Variants in RSBN1 observed in about 807,000 individuals in gnomAD.
RSBN1 encodes round spermatid basic protein 1, also known as lysine-specific demethylase 9.
Under a neutral mutation model 74.8 loss-of-function variants are expected in RSBN1, and 23 were observed. The ratio of observed to expected loss-of-function variants is 0.31; its 90% CI spans 0.22 to 0.44. The LOEUF (loss-of-function observed/expected upper bound fraction) is 0.44. RSBN1 is among the 20% of genes least tolerant of loss of function. RSBN1 has a pLI of 1.00. For synonymous variants in RSBN1, 407 were observed against 379.6 expected (o/e 1.07, Z -0.84); for missense variants, 808 against 1,020.9 (o/e 0.79, Z 2.84).
At position 113,765,122 on chromosome 1, in the gene RSBN1, A is replaced by G. The variant is rs919992491; in HGVS notation, c.*858T>C. On this transcript the variant is annotated 3_prime_UTR_variant, in exon 7 of 7. Transcript: ENST00000261441. ...ATATGGCAGCCTCATCAGAAAGACT[A>G]TTATTATTCTCTAAGTTTAATAGTT... is the stretch of plus-strand genomic sequence containing the variant. 9 of 152,294 alleles carry G rather than the reference A, an allele frequency of 5.9e-5. No homozygotes were observed. The highest frequency in any genetic ancestry group is 2.2e-4 in the African/African-American group (9 of 41,456). 9.4% of individuals were successfully genotyped at this position (152,294 alleles called of 1,614,324 possible). A position where few individuals can be genotyped will look rare whatever the true frequency, so the allele number is the denominator to read the frequency against.
At chr1:113,804,643 C>G (rs1461616172) in intron 1 of RSBN1, among the ~76,000 whole-genome samples, 1 of 152,114 alleles carries the variant, frequency 6.6e-6, no homozygotes, top group Non-Finnish European at 1.5e-5. Context: ...AGTGCCATTT[C>G]AAAAGTTTTC....
intron 1 of RSBN1, among the ~76,000 whole-genome samples, chr1:113,806,695 G>A (rs1483638712): frequency 1.3e-5 from 2 of 151,614 alleles, no homozygotes; most frequent in African/African-American, 4.8e-5. Context: ...GCTCTGTGAA[G>A]TATCCCACTG....
At position 113,767,152 on chromosome 1, in the gene RSBN1, T is replaced by C. The variant is rs1420936928; in HGVS notation, c.1882A>G (p.Thr628Ala). The C allele has an allele frequency of 6.2e-7, 1 of 1,612,512 alleles. No individual in the cohort carries two copies. The highest frequency in any genetic ancestry group is 1.7e-5 in the Admixed American group (1 of 59,784). ...DVICFHAEDF[T>A]DVVQRLQLDL... ...AACTGAAGTCTTTGTACAACATCAG[T>C]AAAATCCTCAGCATGAAAACAAATC... The change falls in exon 6 of 7, where the codon ACT (threonine) becomes GCT (alanine). Residue 628 changes from threonine (T) to alanine (A), a missense_variant. Around this residue, in one of 6 missense-constraint regions of RSBN1, gnomAD observed 38 missense variants for 120.6 expected, o/e 0.32. Transcript: ENST00000261441.
At chr1:113,808,121 A>G (rs1265353522) in intron 1 of RSBN1, among the ~76,000 whole-genome samples, 1 of 151,914 alleles carries the variant, frequency 6.6e-6, no homozygotes, top group Non-Finnish European at 1.5e-5. Flanking sequence ...TTAAAAAACA[A>G]ACAAACAAAA....
At chr1:113,784,271 C>A (rs969971649) in intron 2 of RSBN1, among the ~76,000 whole-genome samples, 15 of 152,126 alleles carry the variant, frequency 9.9e-5, no homozygotes, top group African/African-American at 3.6e-4. Context: ...GAAATACATT[C>A]TGAGAAATGT....
intron 1 of RSBN1, among the ~76,000 whole-genome samples, chr1:113,807,269 G>A (rs1350208253): frequency 4.7e-5 from 7 of 149,548 alleles, no homozygotes; most frequent in South Asian, 2.1e-4. Flanking sequence ...AGCCAGGATC[G>A]TGCTACTACA....
chr1:113,771,803 C>T (rs1450826125), intron 4 of RSBN1, among the ~76,000 whole-genome samples: 1 of 135,408 alleles, frequency 7.4e-6, no homozygotes, highest in African/African-American at 2.7e-5. Context: ...AGTTTATGTT[C>T]CTACCTCAAA....
chr1:113,769,574 A>T (rs1659851058), intron 4 of RSBN1, among the ~76,000 whole-genome samples: 1 of 152,184 alleles, frequency 6.6e-6, no homozygotes, highest in African/African-American at 2.4e-5. Flanking sequence ...GTGCTCAAGA[A>T]TTTCTAAATA....
At chr1:113,791,266 C>A (rs978943485) in intron 2 of RSBN1, among the ~76,000 whole-genome samples, 1 of 152,048 alleles carries the variant, frequency 6.6e-6, no homozygotes, top group African/African-American at 2.4e-5. Flanking sequence ...AAAATTTATT[C>A]TCTTTATAAT....
chr1:113,780,879 A>C (rs1660126098), intron 2 of RSBN1, among the ~76,000 whole-genome samples: 1 of 152,258 alleles, frequency 6.6e-6, no homozygotes, highest in Non-Finnish European at 1.5e-5. Flanking sequence ...AGCCCTTATT[A>C]GTAAACCACA....
At position 113,811,882 on chromosome 1, in the gene RSBN1, C is replaced by G; in HGVS notation, c.531G>C (p.Thr177=). The G allele has an allele frequency of 1.9e-6, 3 of 1,612,876 alleles. No individual in the cohort carries two copies. The highest frequency in any genetic ancestry group is 2.2e-5 in the South Asian group (2 of 91,010). The change falls in exon 1 of 7, where the codon ACG becomes ACC. Residue 177 remains threonine, a synonymous_variant. Transcript: ENST00000261441. ...TATGCTTGGGCCCGGCCGCGCTCACCGTCAGAGGCGAGAAGGTGAAGAGGG... is the reference window on the plus strand; with the variant it reads ...TATGCTTGGGCCCGGCCGCGCTCACGGTCAGAGGCGAGAAGGTGAAGAGGG... ...TSALFTFSPL[T]VSAAGPKHKG... is the part of the protein sequence containing the mutation.
In RSBN1 at chr1:113,778,971, T is replaced by C. The variant is rs1660085581; in HGVS notation, c.1378-1163A>G. ...TAGTCATTTCATGTATGTTCTTATC[T>C]TATGTAATCTCCAATTTAGAGTTTC... On this transcript the variant is annotated intron_variant, in intron 2 of 6. Coordinates refer to ENST00000261441, the MANE Select transcript of RSBN1 (RefSeq NM_018364.5). 2.6e-5 allele frequency among the ~76,000 whole-genome samples: 4 copies of C among 152,216 alleles called. No individual in the cohort carries two copies. In the South Asian group the frequency reaches 8.3e-4, roughly 32 times the overall value.
At position 113,766,232 on chromosome 1, in the gene RSBN1, G is replaced by A. The variant is rs1188521076; in HGVS notation, c.2157C>T (p.Asn719=). The A allele has an allele frequency of 1.2e-6, 2 of 1,613,994 alleles. No individual in the cohort carries two copies. The highest frequency in any genetic ancestry group is 1.7e-5 in the Admixed American group (1 of 59,998). ...GCTTTCCAGTTAAACCACAGTCCATGTTAGAATTGCTTTCTGTGTTTTGAG... is the reference window on the plus strand; with the variant it reads ...GCTTTCCAGTTAAACCACAGTCCATATTAGAATTGCTTTCTGTGTTTTGAG... The part of the protein sequence containing the change: ...EATQNTESNS[N]MDCGLTGKRE... The change falls in exon 7 of 7, where the codon AAC becomes AAT. Residue 719 remains asparagine, a synonymous_variant. Transcript: ENST00000261441.
At chr1:113,803,157 C>T (rs996276655) in intron 1 of RSBN1, among the ~76,000 whole-genome samples, 1 of 152,180 alleles carries the variant, frequency 6.6e-6, no homozygotes, top group African/African-American at 2.4e-5. Flanking sequence ...TAAGGTTCCT[C>T]CATGTCTTTT....
At chr1:113,790,279 T>C (rs1011637057) in intron 2 of RSBN1, among the ~76,000 whole-genome samples, 1 of 152,138 alleles carries the variant, frequency 6.6e-6, no homozygotes. Context: ...CTGGAAACGG[T>C]AGTGGTAATA....
At chr1:113,804,907 TAAAAAAA>T (rs11406398) in intron 1 of RSBN1, among the ~76,000 whole-genome samples, 1 of 131,470 alleles carries the variant, frequency 7.6e-6, no homozygotes, top group African/African-American at 2.8e-5. Context: ...TGGTCAAGAG[TAAAAAAA>T]AAAAAAAAAA....
intron 2 of RSBN1, among the ~76,000 whole-genome samples, chr1:113,780,044 C>G (rs1660107658): frequency 2.6e-5 from 4 of 151,922 alleles, no homozygotes; most frequent in African/African-American, 9.7e-5. Flanking sequence ...AAATATCAGT[C>G]TCCCCCAAAC....
At chr1:113,807,313 CAA>C (rs767306902) in intron 1 of RSBN1, among the ~76,000 whole-genome samples, 2 of 70,014 alleles carry the variant, frequency 2.9e-5, no homozygotes, top group Admixed American at 1.5e-4. Context: ...GAATCCATCT[CAA>C]AAAAAAAAAA....
chr1:113,792,406 A>C (rs1307598538), intron 2 of RSBN1, among the ~76,000 whole-genome samples: 19 of 152,228 alleles, frequency 1.2e-4, no homozygotes, highest in Admixed American at 1.2e-3. Context: ...CAGCATCACC[A>C]GAAAATGCAG....
Sources: allele counts gnomAD v4.1 joint callset (sites outside exome capture counted in the v4.1 genomes callset), GRCh38; gene constraint gnomAD v4.1.1; regional missense constraint gnomAD v4.1.1; transcripts MANE v1.5; gene names NCBI Gene and HGNC (gene_info 2026-07-23, HGNC 2026-07-21).